The following CLVS1 variants were observed in gnomAD, a reference collection of about 807,000 sequenced individuals.
CLVS1 encodes clavesin-1.
In CLVS1, 10 loss-of-function variants were observed where a neutral mutation model predicts 33.1. The ratio of observed to expected loss-of-function variants is 0.30; its 90% CI spans 0.19 to 0.51. The LOEUF is 0.51. Among genes scored for constraint, CLVS1 ranks in the 20% least tolerant of loss-of-function variants. The pLI is 0.97. For missense variants in CLVS1, 343 were observed against 433.4 expected (o/e 0.79, Z 1.85); for synonymous variants, 163 against 166.1 (o/e 0.98, Z 0.14).
chr8:61,254,678 T>C (rs1465166683), intron 2 of CLVS1, among the ~76,000 whole-genome samples: 1 of 152,146 alleles, frequency 6.6e-6, no homozygotes, highest in African/African-American at 2.4e-5. Flanking sequence ...ACTGCTGTGC[T>C]AGTAATGAGT....
rs1204897462 is a variant in CLVS1 at position 61,131,826 on chromosome 8, A to T, written c.-186A>T. On this transcript the variant is annotated 5_prime_UTR_variant, in exon 2 of 3. Transcript: ENST00000522621. ...ATGAAGGCTCTGGGAATTTATTTTC[A>T]TCGTGGACCGGACTTTTTATCAGCC... is the stretch of plus-strand genomic sequence containing the variant. 2.0e-5 allele frequency: 3 copies of T among 152,140 alleles called. No homozygotes were observed. The East Asian group carries it at 5.8e-4, about 29-fold the overall frequency. 9.4% of individuals were successfully genotyped at this position (152,140 alleles called of 1,614,324 possible).
chr8:61,229,652 G>C (rs1042798534), intron 2 of CLVS1, among the ~76,000 whole-genome samples: 1 of 152,234 alleles, frequency 6.6e-6, no homozygotes, highest in African/African-American at 2.4e-5. Flanking sequence ...TTTCTTCTGA[G>C]ATAGAGTCTC....
chr8:61,417,802 A>T (rs745640111), intron 3 of CLVS1, among the ~76,000 whole-genome samples: 2 of 152,168 alleles, frequency 1.3e-5, no homozygotes, highest in Admixed American at 1.3e-4. Context: ...GATGATAGCC[A>T]TGAGCTCTCA....
At chr8:61,210,521 A>G (rs1410327866) in intron 2 of CLVS1, among the ~76,000 whole-genome samples, 1 of 152,256 alleles carries the variant, frequency 6.6e-6, no homozygotes, top group East Asian at 1.9e-4. Flanking sequence ...AGAGGGCCAC[A>G]TGGCAGGGAA....
At chr8:61,495,096 T>A (rs1804224075) in intron 5 of CLVS1, among the ~76,000 whole-genome samples, 1 of 152,042 alleles carries the variant, frequency 6.6e-6, no homozygotes, top group Admixed American at 6.6e-5. Flanking sequence ...TTAGAAGAAA[T>A]CATGTAGATC....
chr8:61,193,205 C>G (rs1807530489), intron 2 of CLVS1, among the ~76,000 whole-genome samples: 1 of 152,060 alleles, frequency 6.6e-6, no homozygotes, highest in African/African-American at 2.4e-5. Flanking sequence ...AAAGGGTGAG[C>G]TCATGTCCTT....
At chr8:61,482,021 G>A (rs1818213851) in intron 5 of CLVS1, among the ~76,000 whole-genome samples, 1 of 152,202 alleles carries the variant, frequency 6.6e-6, no homozygotes, top group Non-Finnish European at 1.5e-5. Context: ...GGATCAGGCA[G>A]CAACATCTGC....
the CLVS1 span, among the ~76,000 whole-genome samples, chr8:61,024,424 A>G: frequency 6.6e-6 from 1 of 152,188 alleles, no homozygotes; most frequent in Non-Finnish European, 1.5e-5. Flanking sequence ...TGTTTGATCT[A>G]TCTTGCTTCA....
chr8:61,059,485 T>C (rs1467212478), intron 1 of CLVS1, among the ~76,000 whole-genome samples: 3 of 103,652 alleles, frequency 2.9e-5, no homozygotes, highest in East Asian at 3.5e-4. Context: ...CATATATATA[T>C]ATATATATAT....
At chr8:61,370,808 A>T (rs371408150) in intron 2 of CLVS1, 4 of 152,166 alleles carry the variant, frequency 2.6e-5, no homozygotes, top group African/African-American at 9.7e-5. Context: ...CTCCAACTCC[A>T]TTCAGGTTGC....
chr8:61,036,466 C>T, the CLVS1 span, among the ~76,000 whole-genome samples: 1 of 152,194 alleles, frequency 6.6e-6, no homozygotes, highest in African/African-American at 2.4e-5. Context: ...ATCGGAGGCC[C>T]ACCACTGAGT....
intron 5 of CLVS1, among the ~76,000 whole-genome samples, chr8:61,498,809 T>TAAG (rs1186788204): frequency 6.6e-6 from 1 of 152,200 alleles, no homozygotes; most frequent in African/African-American, 2.4e-5. Flanking sequence ...CAGAGAGTTT[T>TAAG]AAGAACTCCC....
intron 3 of CLVS1, among the ~76,000 whole-genome samples, chr8:61,435,337 C>T (rs1270845867): frequency 6.6e-6 from 1 of 152,130 alleles, no homozygotes; most frequent in Admixed American, 6.6e-5. Flanking sequence ...CTTCTGCTTC[C>T]TTCTCTTTGG....
chr8:61,304,064 C>T (rs1810528034), intron 2 of CLVS1, among the ~76,000 whole-genome samples: 2 of 152,192 alleles, frequency 1.3e-5, no homozygotes, highest in Non-Finnish European at 2.9e-5. Context: ...AGACCCAGCC[C>T]TGTGGGGCCC....
chr8:61,065,885 T>A (rs974028598), intron 1 of CLVS1, among the ~76,000 whole-genome samples: 1 of 152,202 alleles, frequency 6.6e-6, no homozygotes, highest in South Asian at 2.1e-4. Context: ...ATAAAAATGA[T>A]TAATAGATTA....
intron 5 of CLVS1, among the ~76,000 whole-genome samples, chr8:61,483,372 C>A (rs1310170405): frequency 1.3e-5 from 2 of 152,224 alleles, no homozygotes; most frequent in East Asian, 3.8e-4. Flanking sequence ...GACACATACA[C>A]CCTCCTGAGG....
chr8:61,176,339 C>T (rs1033675515), intron 2 of CLVS1, among the ~76,000 whole-genome samples: 1 of 152,260 alleles, frequency 6.6e-6, no homozygotes, highest in South Asian at 2.1e-4. Flanking sequence ...CAGTCAGCTC[C>T]ACCTGGCTCA....
At chr8:61,412,418 G>A (rs1426689306) in intron 3 of CLVS1, among the ~76,000 whole-genome samples, 4 of 152,096 alleles carry the variant, frequency 2.6e-5, no homozygotes, top group African/African-American at 9.7e-5. Flanking sequence ...TTTGGGAGGA[G>A]GAGGATTTGA....
intron 1 of CLVS1, among the ~76,000 whole-genome samples, chr8:61,074,051 T>G (rs1246192790): frequency 7.0e-6 from 1 of 142,640 alleles, no homozygotes; most frequent in Non-Finnish European, 1.5e-5. Flanking sequence ...AAAATAAATA[T>G]GTAAGGCCAG....
Sources: allele counts gnomAD v4.1 joint callset (sites outside exome capture counted in the v4.1 genomes callset), GRCh38; gene constraint gnomAD v4.1.1; transcripts MANE v1.5; gene names NCBI Gene and HGNC (gene_info 2026-07-23, HGNC 2026-07-21).